MAPKAPK5: variants seen among roughly 807,000 people sequenced by gnomAD.
MAPKAPK5 encodes MAPK activated protein kinase 5, also known as MAP kinase-activated protein kinase 5.
In MAPKAPK5, 30 loss-of-function variants were observed where a neutral mutation model predicts 65.1. That is an observed-to-expected ratio of 0.46 (90% CI 0.34 to 0.63). The LOEUF is 0.63. MAPKAPK5 is among the 20% of genes least tolerant of loss of function. The pLI, the probability that MAPKAPK5 is intolerant of heterozygous loss-of-function variation, is 0.01. For missense variants in MAPKAPK5, 433 were observed against 581.4 expected, an observed-to-expected ratio of 0.74 and a Z score of 2.63; for synonymous variants, 179 against 204.6, an observed-to-expected ratio of 0.87 and a Z score of 1.07.
intron 1 of MAPKAPK5, among the ~76,000 whole-genome samples, chr12:111,864,943 A>G (rs2069554190): frequency 6.6e-6 from 1 of 152,226 alleles, no homozygotes; most frequent in South Asian, 2.1e-4. Flanking sequence ...ATTTTGAAAG[A>G]GTATCTTCCT....
intron 4 of MAPKAPK5, 28 bp from the exon 5 acceptor site, chr12:111,868,725 C>G: frequency 1.7e-6 from 2 of 1,155,428 alleles, no homozygotes; most frequent in Non-Finnish European, 2.4e-6. Context: ...TTTTTTTTAA[C>G]TTAACAAAAT....
Position 111,895,534 on chromosome 12 carries a change from C to G in MAPKAPK5, c.*2473C>G, listed in dbSNP as rs1376192633. Reference sequence around the variant, plus strand: ...GAGAATATGTCTCCCCCCCACCCCCCACCCTGCTGCCACCAAGACAGAGTC... The same window carrying G: ...GAGAATATGTCTCCCCCCCACCCCCGACCCTGCTGCCACCAAGACAGAGTC... On this transcript the variant is annotated 3_prime_UTR_variant, in exon 14 of 14. Transcript: ENST00000550735. 2 of 91,228 alleles carry G rather than the reference C, an allele frequency of 2.2e-5. No individual in the cohort carries two copies. Among genetic ancestry groups the G allele is most frequent in the Non-Finnish European group, 4.1e-5 (2 of 48,996 alleles). The allele number at this position is 91,228 out of a possible 1,614,324, so 5.7% of individuals were successfully genotyped here.
chr12:111,873,536 G>T (rs1189868453), intron 7 of MAPKAPK5, among the ~76,000 whole-genome samples: 1 of 152,030 alleles, frequency 6.6e-6, no homozygotes, highest in Non-Finnish European at 1.5e-5. Context: ...GTAGAGACGG[G>T]GTTTCACCAT....
intron 1 of MAPKAPK5, among the ~76,000 whole-genome samples, chr12:111,857,318 T>A (rs1566233232): frequency 6.6e-6 from 1 of 151,636 alleles, no homozygotes; most frequent in Non-Finnish European, 1.5e-5. Context: ...CTCGGCTCAC[T>A]GCAACCTCCA....
At position 111,851,106 on chromosome 12, in the gene MAPKAPK5, C is replaced by G. The variant is rs139204763; in HGVS notation, c.36+8337C>G. ...AGAGACAGGGTTTCAGCATGTTGGC[C>G]AGGCTGGTCTTGAACTCCTAACCTC... On this transcript the variant is annotated intron_variant, in intron 1 of 13. Transcript: ENST00000550735. 9.7e-3 allele frequency among the ~76,000 whole-genome samples: 1,482 copies of G among 152,244 alleles called. 25 individuals carry two copies. Among genetic ancestry groups the G allele is most frequent in the African/African-American group, 0.034 (1,408 of 41,538 alleles).
intron 9 of MAPKAPK5, among the ~76,000 whole-genome samples, chr12:111,884,334 G>A (rs998570525): frequency 1.3e-5 from 2 of 152,118 alleles, no homozygotes; most frequent in African/African-American, 2.4e-5. Context: ...CCTCAGCCTC[G>A]GCAGTAGCTG....
chr12:111,892,784 A>G (rs1163433979), intron 13 of MAPKAPK5, among the ~76,000 whole-genome samples, 183 bp from the exon 14 acceptor site: 1 of 152,130 alleles, frequency 6.6e-6, no homozygotes, highest in Non-Finnish European at 1.5e-5. Flanking sequence ...AGGTTAGTGG[A>G]ACTGTACAAT....
Position 111,896,355 on chromosome 12 carries a change from C to T in MAPKAPK5, c.*3294C>T, listed in dbSNP as rs1251176484. The T allele has an allele frequency of 6.6e-6, 1 of 152,068 alleles. No individual in the cohort carries two copies. Among genetic ancestry groups the T allele is most frequent in the East Asian group, 1.9e-4 (1 of 5,190 alleles). 9.4% of individuals were successfully genotyped at this position (152,068 alleles called of 1,614,324 possible). On this transcript the variant is annotated 3_prime_UTR_variant, in exon 14 of 14. Transcript: ENST00000550735. ...CAGACACATCCAAATGAGCACCAAG[C>T]TGGAAGTTTGTGAACACTCTGGAGG... is the stretch of plus-strand genomic sequence containing the variant.
intron 1 of MAPKAPK5, among the ~76,000 whole-genome samples, chr12:111,851,947 C>T (rs1273692225): frequency 1.3e-5 from 2 of 152,144 alleles, no homozygotes; most frequent in East Asian, 3.8e-4. Flanking sequence ...AGCTAATAGA[C>T]ACCACACCTG....
intron 13 of MAPKAPK5, among the ~76,000 whole-genome samples, chr12:111,891,636 A>G (rs2070611158): frequency 8.0e-6 from 1 of 125,002 alleles, no homozygotes; most frequent in African/African-American, 3.2e-5. Context: ...TACTAAAAAT[A>G]CAAAAAAAAA....
chr12:111,866,104 T>G, intron 2 of MAPKAPK5, 52 bp from the exon 3 acceptor site: 1 of 1,368,976 alleles, frequency 7.3e-7, no homozygotes, highest in Non-Finnish European at 1.0e-6. Context: ...GTTAAATTAA[T>G]TTTCATTCTA....
Position 111,883,886 on chromosome 12 carries a change from A to G in MAPKAPK5, c.848+118A>G. 2.0e-6 allele frequency: 2 copies of G among 991,990 alleles called. No individual in the cohort carries two copies. The highest frequency in any genetic ancestry group is 2.9e-6 in the Non-Finnish European group (2 of 688,538). The allele number at this position is 991,990 out of a possible 1,614,324, so 61.4% of individuals were successfully genotyped here. On this transcript the variant is annotated intron_variant, in intron 9 of 13. Coordinates refer to ENST00000550735, the MANE Select transcript of MAPKAPK5 (RefSeq NM_003668.4). This position sits in a 1 kb window ranked among gnomAD's most constrained non-coding sequence, Gnocchi z 4.8. ...TAGGCAGGCTCCTCCCCGTTTTAAT[A>G]TCACAGAAATCTCTCTGGAGCCTGA...
chr12:111,882,894 A>G, intron 8 of MAPKAPK5: 1 of 957,190 alleles, frequency 1.0e-6, no homozygotes, highest in Non-Finnish European at 1.2e-6. Flanking sequence ...TTCTACATAG[A>G]GGTTTCACAA....
intron 6 of MAPKAPK5, among the ~76,000 whole-genome samples, chr12:111,870,598 T>C (rs2069752381): frequency 6.6e-6 from 1 of 152,188 alleles, no homozygotes; most frequent in Non-Finnish European, 1.5e-5. Flanking sequence ...TGATTTTGGA[T>C]ATTATTTGGA....
rs1002948758 is a variant in MAPKAPK5, at chr12:111,900,981, A to G, written c.*7920A>G. 6.6e-6 allele frequency: 3 copies of G among 455,968 alleles called. No homozygotes were observed. Among genetic ancestry groups the G allele is most frequent in the African/African-American group, 6.0e-5 (3 of 50,078 alleles). 28.2% of individuals were successfully genotyped at this position (455,968 alleles called of 1,614,324 possible). A position where few individuals can be genotyped will look rare whatever the true frequency, so the allele number is the denominator to read the frequency against. The stretch of plus-strand genomic sequence containing the variant: ...CCAATTTGGAAACTGTGGCATTTCT[A>G]CCAGTCCTGGGTCACAATATGTTCG... On this transcript the variant is annotated 3_prime_UTR_variant, in exon 14 of 14. Coordinates refer to ENST00000550735, the MANE Select transcript of MAPKAPK5 (RefSeq NM_003668.4).
At chr12:111,888,173 A>G (rs2070475489) in intron 10 of MAPKAPK5, 1 of 285,384 alleles carries the variant, frequency 3.5e-6, no homozygotes, top group African/African-American at 2.2e-5. Flanking sequence ...GCTGATGTCC[A>G]TATGTGCCTC....
intron 1 of MAPKAPK5, among the ~76,000 whole-genome samples, chr12:111,853,415 A>G (rs1050203180): frequency 6.6e-6 from 1 of 151,164 alleles, no homozygotes; most frequent in Non-Finnish European, 1.5e-5. Context: ...TCATTTTTGG[A>G]TTGTTTGTCA....
At chr12:111,852,186 A>G (rs1429278988) in intron 1 of MAPKAPK5, among the ~76,000 whole-genome samples, 6 of 152,204 alleles carry the variant, frequency 3.9e-5, no homozygotes, top group African/African-American at 7.2e-5. Flanking sequence ...TTAGTATTGT[A>G]TAGAAATGTT....
rs2136180367 is a variant in MAPKAPK5, at chr12:111,898,320, C to G, written c.*5259C>G. The stretch of plus-strand genomic sequence containing the variant: ...AGTAGCTGAGATTACAGGCGCCTGC[C>G]ACCACGCCCCGCTAATTTTTGCATT... On this transcript the variant is annotated 3_prime_UTR_variant, in exon 14 of 14. Transcript: ENST00000550735. The G allele has an allele frequency of 6.6e-6, 1 of 152,176 alleles. No individual in the cohort carries two copies. Among genetic ancestry groups the G allele is most frequent in the Non-Finnish European group, 1.5e-5 (1 of 68,068 alleles). The allele number at this position is 152,176 out of a possible 1,614,324, so 9.4% of individuals were successfully genotyped here.
Sources: gnomAD v4.1 joint callset for allele counts (sites outside exome capture counted in the v4.1 genomes callset) on GRCh38, gnomAD v4.1.1 for gene constraint, Gnocchi (gnomAD v3.1) non-coding constraint, MANE v1.5 for transcripts, NCBI Gene and HGNC (gene_info 2026-07-23, HGNC 2026-07-21) for gene names.